THOP1: variants seen among roughly 807,000 people sequenced by gnomAD.
THOP1 encodes the protein thimet oligopeptidase.
In THOP1, 49 loss-of-function variants were observed where a neutral mutation model predicts 71.8. That is an observed-to-expected ratio of 0.68 (90% confidence interval 0.54 to 0.87). The LOEUF is 0.87. Ranked by LOEUF, THOP1 falls within the 40% of genes least tolerant of loss-of-function variation. The pLI is 0.00. For missense variants in THOP1, 843 were observed against 975.6 expected (o/e 0.86, Z 1.81); for synonymous variants, 426 against 421.5 (o/e 1.01, Z -0.13).
At chr19:2,803,328 G>A (rs1393267678) in intron 5 of THOP1, among the ~76,000 whole-genome samples, 1 of 152,208 alleles carries the variant, frequency 6.6e-6, no homozygotes, top group Admixed American at 6.5e-5. Flanking sequence ...GTGCAGCGGG[G>A]CATGCCGGCA....
At chr19:2,807,896 C>A in intron 8 of THOP1, 88 bp downstream of exon 8, 1 of 1,370,840 alleles carries the variant, frequency 7.3e-7, no homozygotes, top group Non-Finnish European at 9.5e-7. Flanking sequence ...GGAAGGAAGT[C>A]GTTGCCTGCT....
Position 2,807,793 on chromosome 19 carries a change from T to A in THOP1, c.1238T>A (p.Leu413Gln), listed in dbSNP as rs763521064. The change falls in exon 8 of 13, where the codon CTG becomes CAG. Residue 413 changes from leucine to glutamine, a missense_variant. Physicochemically the swap from Leu to Gln is moderately radical, Grantham distance 113. Transcript: ENST00000307741. The stretch of plus-strand genomic sequence containing the variant: ...GGGGAGGTGGTCGGCAAGTTCTACC[T>A]GGACCTGTACCCGCGGTGGGTGAGG... ...ASGEVVGKFY[L>Q]DLYPREGKYG... The A allele has an allele frequency of 1.4e-5, 21 of 1,516,484 alleles. No homozygotes were observed. Among genetic ancestry groups the A allele is most frequent in the Non-Finnish European group, 1.9e-5 (21 of 1,131,516 alleles). 93.9% of individuals were successfully genotyped at this position (1,516,484 alleles called of 1,614,324 possible).
chr19:2,805,300 G>T lies in THOP1; in HGVS notation c.750+124G>T. 1 of 1,197,238 alleles carries T rather than the reference G, an allele frequency of 8.4e-7. No homozygotes were observed. Among genetic ancestry groups the T allele is most frequent in the South Asian group, 1.6e-5 (1 of 62,866 alleles). 74.2% of individuals were successfully genotyped at this position (1,197,238 alleles called of 1,614,324 possible). A position where few individuals can be genotyped will look rare whatever the true frequency, so the allele number is the denominator to read the frequency against. The stretch of plus-strand genomic sequence containing the variant: ...GATGGCCTCCCAATCTCCCTGGCCA[G>T]GCCCAGTGGCCAGCAGAGGCCTCCC... On this transcript the variant is annotated intron_variant, in intron 6 of 12. Coordinates refer to ENST00000307741, the MANE Select transcript of THOP1 (RefSeq NM_003249.5). This position sits in a 1 kb window ranked among gnomAD's most constrained non-coding sequence, Gnocchi z 6.6.
intron 4 of THOP1, 24 bp from the exon 5 acceptor site, chr19:2,799,665 C>T (rs1411850471): frequency 1.2e-6 from 2 of 1,603,754 alleles, no homozygotes; most frequent in Non-Finnish European, 1.7e-6. Flanking sequence ...TCTCCCTCCC[C>T]TCACGCCCCG....
chr19:2,813,085 C>T, intron 12 of THOP1, 30 bp from the exon 13 acceptor site: 4 of 1,586,668 alleles, frequency 2.5e-6, no homozygotes, highest in Non-Finnish European at 3.4e-6. Context: ...TGGGTCCCCA[C>T]CCGGCCACAG....
chr19:2,799,623 C>T (rs1442525021), intron 4 of THOP1, 66 bp from the exon 5 acceptor site: 30 of 1,306,566 alleles, frequency 2.3e-5, no homozygotes, highest in Middle Eastern at 1.8e-4. Context: ...GGTTCCCAGG[C>T]GTTGCGTCTC....
In THOP1 at chr19:2,805,057, G is replaced by A; in HGVS notation, c.631G>A (p.Glu211Lys). The change falls in exon 6 of 13, where the codon GAG becomes AAG. Residue 211 changes from glutamate to lysine, a missense_variant. Glu to Lys is a moderately conservative substitution (Grantham distance 56, BLOSUM62 1). Coordinates refer to ENST00000307741, the MANE Select transcript of THOP1 (RefSeq NM_003249.5). The surrounding 1 kb of genome is among the most constrained non-coding windows in gnomAD (Gnocchi z 6.6). ...EDFLNSLEKMEDGKLKVTLKY... is the reference protein window; with the variant it reads ...EDFLNSLEKMKDGKLKVTLKY... Reference sequence around the variant, plus strand: ...CTTTCTGAACTCCCTGGAGAAGATGGAGGACGGCAAGTTGAAGGTCACCCT... The same window carrying A: ...CTTTCTGAACTCCCTGGAGAAGATGAAGGACGGCAAGTTGAAGGTCACCCT... 4 of 1,612,874 alleles carry A rather than the reference G, an allele frequency of 2.5e-6. No homozygotes were observed. Among genetic ancestry groups the A allele is most frequent in the South Asian group, 2.2e-5 (2 of 90,992 alleles).
chr19:2,812,164 G>C (rs1916494157), intron 12 of THOP1: 1 of 1,478,084 alleles, frequency 6.8e-7, no homozygotes, highest in East Asian at 2.5e-5. Context: ...GAGAAGGCTT[G>C]GCGTTTGCCA....
chr19:2,797,380 A>G (rs1916044293), intron 4 of THOP1, among the ~76,000 whole-genome samples: 2 of 152,208 alleles, frequency 1.3e-5, no homozygotes, highest in Admixed American at 6.5e-5. Context: ...GCATCAGAAT[A>G]CAGGCCCCTG....
chr19:2,786,031 G>A (rs1338462447), intron 1 of THOP1, among the ~76,000 whole-genome samples: 1 of 152,168 alleles, frequency 6.6e-6, no homozygotes, highest in Non-Finnish European at 1.5e-5. Context: ...CGAAGATAGG[G>A]AGGGATCGGT....
chr19:2,802,314 C>A (rs1257964164), intron 5 of THOP1, among the ~76,000 whole-genome samples: 2 of 133,638 alleles, frequency 1.5e-5, no homozygotes, highest in South Asian at 2.6e-4. Flanking sequence ...TCCCGACACC[C>A]CCACTTCCCG....
In THOP1 at chr19:2,805,229, G is replaced by A. The variant is rs972010863; in HGVS notation, c.750+53G>A. The A allele has an allele frequency of 6.4e-7, 1 of 1,562,006 alleles. No homozygotes were observed. Among genetic ancestry groups the A allele is most frequent in the Non-Finnish European group, 8.7e-7 (1 of 1,154,184 alleles). On this transcript the variant is annotated intron_variant, in intron 6 of 12. Transcript: ENST00000307741. This position sits in a 1 kb window ranked among gnomAD's most constrained non-coding sequence, Gnocchi z 6.6. ...GAACAGTGGGTCTGGAGCTTGTGGG[G>A]CCCGTCTGCTCCATGTGTGTGAGGC... is the stretch of plus-strand genomic sequence containing the variant.
Position 2,799,557 on chromosome 19 carries a change from G to C in THOP1, c.487-132G>C, listed in dbSNP as rs540956224. The C allele has an allele frequency of 5.3e-5, 36 of 680,322 alleles. 2 individuals carry two copies. In the South Asian group the frequency reaches 6.1e-4, roughly 11 times the overall value. The allele number at this position is 680,322 out of a possible 1,614,324, so 42.1% of individuals were successfully genotyped here. On this transcript the variant is annotated intron_variant, in intron 4 of 12. Transcript: ENST00000307741. ...CCTCCCGTCTCACTCTTTCCTCCTC[G>C]GTTGCCTCTTCTTTCGGCCTGGTTC... is the stretch of plus-strand genomic sequence containing the variant.
At position 2,785,689 on chromosome 19, in the gene THOP1, C is replaced by T. The variant is rs941530585; in HGVS notation, c.16+11C>T. The T allele has an allele frequency of 6.9e-6, 10 of 1,455,892 alleles. No homozygotes were observed. In the African/African-American group the frequency reaches 1.2e-4, roughly 17 times the overall value. 90.2% of individuals were successfully genotyped at this position (1,455,892 alleles called of 1,614,324 possible). On this transcript the variant is annotated intron_variant, in intron 1 of 12. Transcript: ENST00000307741. ...TGAAGCCCCCCGCAGGTACCGACTACCCCGCTCGCCGGACCCGGGCGTCCC... is the reference window on the plus strand; with the variant it reads ...TGAAGCCCCCCGCAGGTACCGACTATCCCGCTCGCCGGACCCGGGCGTCCC...
At chr19:2,802,836 C>T (rs895380591) in intron 5 of THOP1, among the ~76,000 whole-genome samples, 11 of 152,254 alleles carry the variant, frequency 7.2e-5, no homozygotes, top group African/African-American at 2.7e-4. Flanking sequence ...TGTCCGTGTG[C>T]ATGAGGCTTC....
intron 12 of THOP1, chr19:2,812,345 G>A: frequency 1.3e-6 from 2 of 1,532,956 alleles, no homozygotes; most frequent in South Asian, 2.4e-5. Flanking sequence ...CCCTGCCTGG[G>A]TGCAACATTG....
At chr19:2,810,894 A>T (rs1393046658) in intron 11 of THOP1, 126 bp downstream of exon 11, 8 of 1,404,242 alleles carry the variant, frequency 5.7e-6, no homozygotes, top group Non-Finnish European at 7.5e-6. Flanking sequence ...GGAGCCACGG[A>T]GCGCGTCCCA....
At chr19:2,794,985 G>A (rs752252786) in intron 3 of THOP1, 73 bp downstream of exon 3, 38 of 1,544,702 alleles carry the variant, frequency 2.5e-5, no homozygotes, top group Admixed American at 5.5e-5. Context: ...CACCACACCC[G>A]GCTAATTTTT....
intron 5 of THOP1, among the ~76,000 whole-genome samples, chr19:2,803,707 TCGG>T (rs1916215377): frequency 6.6e-6 from 1 of 152,136 alleles, no homozygotes. Flanking sequence ...CTGCAGTCAC[TCGG>T]CAGACAATTG....
Sources: gnomAD v4.1 joint callset for allele counts (sites outside exome capture counted in the v4.1 genomes callset) on GRCh38, gnomAD v4.1.1 for gene constraint, Gnocchi (gnomAD v3.1) non-coding constraint, MANE v1.5 for transcripts, NCBI Gene and HGNC (gene_info 2026-07-23, HGNC 2026-07-21) for gene names.